The following SCN1A variants were observed in gnomAD, a reference collection of about 807,000 sequenced individuals.
The protein encoded by SCN1A is sodium voltage-gated channel alpha subunit 1.
SCN1A carries 13 observed loss-of-function variants against 193.7 expected under a neutral mutation model. The ratio of observed to expected loss-of-function variants is 0.07; its 90% CI spans 0.04 to 0.11. The LOEUF (loss-of-function observed/expected upper bound fraction) is 0.11, where lower values mean the gene tolerates loss of function less well. Ranked by LOEUF, SCN1A falls within the 10% of genes least tolerant of loss-of-function variation. The pLI is 1.00. For synonymous variants in SCN1A, 781 were observed against 843.6 expected (o/e 0.93, Z 1.29); for missense variants, 1,432 against 2,451.1 (o/e 0.58, Z 8.78).
chr2:166,024,347 G>A (rs1694465184), intron 19 of SCN1A, among the ~76,000 whole-genome samples: 1 of 152,034 alleles, frequency 6.6e-6, no homozygotes, highest in South Asian at 2.1e-4. Flanking sequence ...ATGTAGCTGG[G>A]CTTTTAATTT....
At chr2:165,984,973 T>C (rs1022807686), downstream of SCN1A, 1 of 152,184 alleles carries the variant, frequency 6.6e-6, no homozygotes, top group Non-Finnish European at 1.5e-5. Flanking sequence ...TATATTTCTT[T>C]TAATTTTAAC....
intron 1 of SCN1A, among the ~76,000 whole-genome samples, chr2:166,142,778 A>C (rs1436972391): frequency 6.6e-6 from 1 of 152,218 alleles, no homozygotes; most frequent in Non-Finnish European, 1.5e-5. Flanking sequence ...CCATGTGTCA[A>C]GGGTGAGGCC....
intron 2 of SCN1A, among the ~76,000 whole-genome samples, chr2:166,100,594 A>G (rs2106138001): frequency 6.6e-6 from 1 of 150,488 alleles, no homozygotes; most frequent in South Asian, 2.1e-4. Flanking sequence ...AATGGGAGAA[A>G]ATTTTCACAA....
At chr2:166,135,883 T>A (rs1691836056) in intron 1 of SCN1A, among the ~76,000 whole-genome samples, 1 of 152,206 alleles carries the variant, frequency 6.6e-6, no homozygotes, top group African/African-American at 2.4e-5. Context: ...TGAGATGTCT[T>A]ACCCACACCT....
chr2:165,984,940 T>G (rs1688515230), downstream of SCN1A: 1 of 152,178 alleles, frequency 6.6e-6, no homozygotes, highest in African/African-American at 2.4e-5. Flanking sequence ...CAGTCAAATT[T>G]TCCCATAAAT....
chr2:166,122,293 C>T (rs1296750762), intron 2 of SCN1A, among the ~76,000 whole-genome samples: 1 of 152,148 alleles, frequency 6.6e-6, no homozygotes. Flanking sequence ...AAAGCATGTG[C>T]AATACAGTAA....
chr2:166,115,065 C>G (rs989412094), intron 2 of SCN1A, among the ~76,000 whole-genome samples: 1 of 151,864 alleles, frequency 6.6e-6, no homozygotes, highest in Non-Finnish European at 1.5e-5. Flanking sequence ...AAGCAAAGAC[C>G]AAAGAATGCC....
At chr2:166,080,254 G>T (rs1424603479) in intron 2 of SCN1A, among the ~76,000 whole-genome samples, 2 of 151,560 alleles carry the variant, frequency 1.3e-5, no homozygotes, top group Admixed American at 1.3e-4. Flanking sequence ...TGCAGTTTTG[G>T]CTTACAGCTT....
chr2:166,036,322 T>C lies in SCN1A; in HGVS notation c.3155A>G (p.Asp1052Gly), dbSNP rs1409113519. 6.2e-7 allele frequency: 1 copy of C among 1,612,722 alleles called. No homozygotes were observed. The highest frequency in any genetic ancestry group is 8.5e-7 in the Non-Finnish European group (1 of 1,179,456). The change falls in exon 19 of 29, where the codon GAT becomes GGT. Residue 1052 changes from aspartate to glycine, a missense_variant. Asp to Gly is a moderately conservative substitution (Grantham distance 94, BLOSUM62 -1). Transcript: ENST00000674923. ...QKILDEIKPL[D>G]DLNNKKDSCM... is the part of the protein sequence containing the mutation. The stretch of plus-strand genomic sequence containing the variant: ...ACTGTCTTTCTTGTTGTTTAGATCA[T>C]CAAGTGGTTTAATTTCATCTAAAAT...
chr2:166,142,402 T>C (rs1574651601), intron 1 of SCN1A, among the ~76,000 whole-genome samples: 1 of 152,134 alleles, frequency 6.6e-6, no homozygotes, highest in Admixed American at 6.5e-5. Context: ...TGTGGGAGGG[T>C]TGGCTAATTG....
chr2:166,031,666 G>A (rs1297062718), intron 19 of SCN1A, among the ~76,000 whole-genome samples: 1 of 152,048 alleles, frequency 6.6e-6, no homozygotes, highest in Non-Finnish European at 1.5e-5. Context: ...AGTAATTCTT[G>A]TAAGAAAACT....
Position 165,992,193 on chromosome 2 carries a change from A to G in SCN1A, c.5082T>C (p.Tyr1694=), listed in dbSNP as rs794726748. ...YAIFGMSNFA[Y]VKREVGIDDM... ...CATCGATCCCAACTTCCCTCTTAAC[A>G]TAGGCAAAGTTGGACATCCCAAAGA... The change falls in exon 29 of 29, where the codon TAT becomes TAC. Residue 1694 remains tyrosine, a synonymous_variant. Transcript: ENST00000674923. The surrounding 1 kb of genome is among the most constrained non-coding windows in gnomAD (Gnocchi z 6.5). The G allele has an allele frequency of 1.9e-6, 3 of 1,613,866 alleles. No individual in the cohort carries two copies. The highest frequency in any genetic ancestry group is 1.7e-4 in the Middle Eastern group (1 of 6,058).
At chr2:166,097,161 A>G (rs140112565) in intron 2 of SCN1A, among the ~76,000 whole-genome samples, 2,053 of 152,132 alleles carry the variant, frequency 0.013, 21 homozygotes, top group Non-Finnish European at 0.019. Context: ...AGCTGGGACT[A>G]CAGGTGCATG....
Position 166,036,120 on chromosome 2 carries a change from T to C in SCN1A, c.3357A>G (p.Val1119=), listed in dbSNP as rs771222969. The part of the protein sequence containing the change: ...PSLTVTVPIA[V]GESDFENLNT... ...TTAAATTTTCAAAGTCAGATTCTCCTACAGCAATTGGTACAGTCACAGTAA... is the reference window on the plus strand; with the variant it reads ...TTAAATTTTCAAAGTCAGATTCTCCCACAGCAATTGGTACAGTCACAGTAA... Residue 1119 remains valine, a synonymous_variant, in exon 19 of 29, where the codon GTA becomes GTG. Coordinates refer to ENST00000674923, the MANE Select transcript of SCN1A (RefSeq NM_001165963.4). The C allele has an allele frequency of 2.5e-6, 4 of 1,613,982 alleles. No individual in the cohort carries two copies. In the Admixed American group the frequency reaches 6.7e-5, roughly 27 times the overall value.
At chr2:166,004,085 C>T (rs1038056687) in intron 23 of SCN1A, among the ~76,000 whole-genome samples, 10 of 151,484 alleles carry the variant, frequency 6.6e-5, no homozygotes, top group African/African-American at 2.4e-4. Flanking sequence ...GTGGCCGATG[C>T]AACTACCAAG....
chr2:166,103,911 T>C (rs1017058430), intron 2 of SCN1A, among the ~76,000 whole-genome samples: 2 of 152,226 alleles, frequency 1.3e-5, no homozygotes, highest in Non-Finnish European at 2.9e-5. Flanking sequence ...AGTGATACTG[T>C]GTATAGCTAG....
chr2:166,132,384 T>C (rs1019948475), upstream of SCN1A, among the ~76,000 whole-genome samples: 122 of 152,214 alleles, frequency 8.0e-4, 2 homozygotes, highest in East Asian at 0.022. Flanking sequence ...AGTGGTTTTT[T>C]TTTTTCTTTT....
intron 2 of SCN1A, among the ~76,000 whole-genome samples, chr2:166,106,017 C>A (rs528477418): frequency 6.6e-6 from 1 of 152,208 alleles, no homozygotes; most frequent in East Asian, 1.9e-4. Context: ...GAAAACCCGT[C>A]TCTACTAAAA....
At chr2:166,125,807 C>T (rs545150039) in intron 2 of SCN1A, among the ~76,000 whole-genome samples, 1 of 152,156 alleles carries the variant, frequency 6.6e-6, no homozygotes, top group South Asian at 2.1e-4. Flanking sequence ...CATAGATGGA[C>T]AATCCCTCCT....
Sources: gnomAD v4.1 joint callset for allele counts (sites outside exome capture counted in the v4.1 genomes callset) on GRCh38, gnomAD v4.1.1 for gene constraint, Gnocchi (gnomAD v3.1) non-coding constraint, MANE v1.5 for transcripts, NCBI Gene and HGNC (gene_info 2026-07-23, HGNC 2026-07-21) for gene names.